MAMLD1: variants seen among roughly 807,000 people sequenced by gnomAD.
MAMLD1 encodes the protein mastermind-like domain-containing protein 1.
A neutral mutation model predicts 45.0 loss-of-function variants in MAMLD1; 14 were observed. The observed-to-expected ratio is 0.31, with a 90% CI of 0.21 to 0.49. The LOEUF (loss-of-function observed/expected upper bound fraction) is 0.49, where lower values mean the gene tolerates loss of function less well. Among genes scored for constraint, MAMLD1 ranks in the 20% least tolerant of loss-of-function variants. The pLI, the probability that MAMLD1 is intolerant of heterozygous loss-of-function variation, is 0.99. For missense variants in MAMLD1, 543 were observed against 603.6 expected, an observed-to-expected ratio of 0.90 and a Z score of 1.05; for synonymous variants, 254 against 247.8, an observed-to-expected ratio of 1.02 and a Z score of -0.24.
At chrX:150,481,040 A>G (rs1409503121) in intron 5 of MAMLD1, among the ~76,000 whole-genome samples, 1 of 112,854 alleles carries the variant, frequency 8.9e-6, no homozygotes, top group East Asian at 2.8e-4. Context: ...GGGGTGGCCC[A>G]TGAAGAGAAT....
intron 1 of MAMLD1, among the ~76,000 whole-genome samples, chrX:150,368,547 C>T (rs1348731797): frequency 9.0e-6 from 1 of 111,137 alleles, no homozygotes; most frequent in Non-Finnish European, 1.9e-5. Flanking sequence ...TTTTGCTGTG[C>T]AGAAGCTCTT....
chrX:150,467,605 A>G (rs1289482349), intron 3 of MAMLD1, among the ~76,000 whole-genome samples: 2 of 112,821 alleles, frequency 1.8e-5, no homozygotes, highest in Non-Finnish European at 3.7e-5. Context: ...GCATCTCAAA[A>G]GAAAAGTCAA....
intron 5 of MAMLD1, among the ~76,000 whole-genome samples, chrX:150,492,388 C>A: frequency 8.9e-6 from 1 of 112,796 alleles, no homozygotes; most frequent in East Asian, 2.8e-4. Context: ...AGGCCAGCAA[C>A]GTATGGGACA....
At chrX:150,423,617 AGAG>A (rs2034605529) in intron 1 of MAMLD1, among the ~76,000 whole-genome samples, 1 of 60,758 alleles carries the variant, frequency 1.6e-5, no homozygotes, top group Non-Finnish European at 4.0e-5. Flanking sequence ...AGAGAGAAAG[AGAG>A]AGAGAGAGAG....
intron 5 of MAMLD1, among the ~76,000 whole-genome samples, chrX:150,503,032 G>A (rs894044112): frequency 2.7e-5 from 3 of 112,168 alleles, no homozygotes; most frequent in Non-Finnish European, 5.6e-5. Context: ...GCTGGAAAGG[G>A]GGAGACACCA....
rs1026187729 is a variant in MAMLD1, at chrX:150,513,922, A to G, written c.*1963A>G. The G allele has an allele frequency of 2.4e-5, 7 of 297,069 alleles. No homozygotes were observed. The highest frequency in any genetic ancestry group is 4.1e-5 in the Non-Finnish European group (7 of 170,071). The allele number at this position is 297,069 out of a possible 1,213,427, so 24.5% of individuals were successfully genotyped here. ...GTAAGGCTCTGTGGTTTGGGGGGGA[A>G]CATCTGTAAACATTATTAGTTGATT... On this transcript the variant is annotated 3_prime_UTR_variant, in exon 8 of 8. Coordinates refer to ENST00000370401, the MANE Select transcript of MAMLD1 (RefSeq NM_005491.5).
At chrX:150,420,759 G>T (rs1250792803) in intron 1 of MAMLD1, among the ~76,000 whole-genome samples, 4 of 98,028 alleles carry the variant, frequency 4.1e-5, no homozygotes, top group Non-Finnish European at 6.4e-5. Flanking sequence ...CGGGGGTCAG[G>T]GGTCAGGGAC....
intron 1 of MAMLD1, among the ~76,000 whole-genome samples, chrX:150,392,072 C>G (rs2033202289): frequency 8.9e-6 from 1 of 112,070 alleles, no homozygotes; most frequent in South Asian, 3.7e-4. Context: ...CAGCTTCCCA[C>G]CAGCCCATGC....
intron 1 of MAMLD1, among the ~76,000 whole-genome samples, chrX:150,381,184 C>A: frequency 8.9e-6 from 1 of 112,156 alleles, no homozygotes; most frequent in Non-Finnish European, 1.9e-5. Flanking sequence ...CAGTACCACA[C>A]TGTTTTAATT....
upstream of MAMLD1, among the ~76,000 whole-genome samples, chrX:150,362,510 C>T (rs1020514541): frequency 1.4e-4 from 15 of 108,880 alleles, no homozygotes; most frequent in African/African-American, 4.7e-4. Flanking sequence ...TCCGCCGGTG[C>T]CTCTCTCGGT....
intron 5 of MAMLD1, among the ~76,000 whole-genome samples, chrX:150,498,670 C>T (rs782151225): frequency 8.9e-6 from 1 of 112,853 alleles, no homozygotes; most frequent in East Asian, 2.8e-4. Context: ...AACAGCACAG[C>T]TCTAGAGCAT....
In MAMLD1 at chrX:150,470,077, C is replaced by T. The variant is rs782781651; in HGVS notation, c.504C>T (p.Ser168=). The part of the protein sequence containing the change: ...PTVPYYEKIN[S]VPAVDQELQE... ...TTCCTTACTATGAGAAAATCAACAG[C>T]GTGCCGGCTGTAGACCAGGAGCTTC... The change falls in exon 4 of 8, where the codon AGC becomes AGT. Residue 168 remains serine (S), a synonymous_variant. Coordinates refer to ENST00000370401, the MANE Select transcript of MAMLD1 (RefSeq NM_005491.5). 1.5e-5 allele frequency: 18 copies of T among 1,209,915 alleles called. No homozygotes were observed. The African/African-American group carries it at 1.8e-4, about 12-fold the overall frequency.
Position 150,503,289 on chromosome X carries a change from G to T in MAMLD1, c.2056G>T (p.Ala686Ser). Reference protein sequence around the residue: ...SPSNITHVDKACKLGEARHPQ... With the variant: ...SPSNITHVDKSCKLGEARHPQ... ...GTTGTTGTAGACTCATGTAGACAAAGCCTGCAAGCTTGGGGAAGCCAGGCA... is the reference window on the plus strand; with the variant it reads ...GTTGTTGTAGACTCATGTAGACAAATCCTGCAAGCTTGGGGAAGCCAGGCA... The change falls in exon 6 of 8, where the codon GCC becomes TCC. Residue 686 changes from alanine to serine, a missense_variant. By Grantham distance (99) the Ala-to-Ser change is moderately conservative. Transcript: ENST00000370401. The T allele has an allele frequency of 8.3e-7, 1 of 1,210,636 alleles. No homozygotes were observed. Among genetic ancestry groups the T allele is most frequent in the East Asian group, 3.0e-5 (1 of 33,761 alleles).
intron 1 of MAMLD1, among the ~76,000 whole-genome samples, chrX:150,442,942 G>A (rs782495858): frequency 1.8e-5 from 2 of 111,867 alleles, no homozygotes; most frequent in Non-Finnish European, 3.8e-5. Context: ...TGGGTTGACA[G>A]TTCTCTTTAT....
intron 1 of MAMLD1, among the ~76,000 whole-genome samples, chrX:150,375,070 ACT>A (rs1182636500): frequency 9.1e-6 from 1 of 109,651 alleles, no homozygotes; most frequent in Non-Finnish European, 1.9e-5. Flanking sequence ...GGATGGCTGG[ACT>A]CCATTCAAAT....
chrX:150,433,709 T>C (rs782684879), intron 1 of MAMLD1, among the ~76,000 whole-genome samples: 6 of 112,101 alleles, frequency 5.4e-5, no homozygotes, highest in African/African-American at 1.6e-4. Context: ...ATGAATCACA[T>C]TTATTGATTT....
intron 2 of MAMLD1, among the ~76,000 whole-genome samples, chrX:150,457,743 C>T (rs1557405404): frequency 1.8e-5 from 2 of 111,523 alleles, no homozygotes; most frequent in African/African-American, 6.5e-5. Context: ...ATTGTATGAT[C>T]CCATTTATAT....
intron 1 of MAMLD1, among the ~76,000 whole-genome samples, chrX:150,440,709 G>C (rs1226951540): frequency 9.2e-6 from 1 of 108,293 alleles, no homozygotes; most frequent in Non-Finnish European, 1.9e-5. Context: ...TTCAATCAGA[G>C]TATTGGTAAT....
At position 150,512,924 on chromosome X, in the gene MAMLD1, G is replaced by A. The variant is rs1363155305; in HGVS notation, c.*965G>A. ...CTGCAATGAGGTAGATTTCATTGAA[G>A]CTCTCTTGAAAGGCTCCTGTGTGAG... On this transcript the variant is annotated 3_prime_UTR_variant, in exon 8 of 8. Coordinates refer to ENST00000370401, the MANE Select transcript of MAMLD1 (RefSeq NM_005491.5). 5 of 1,154,499 alleles carry A rather than the reference G, an allele frequency of 4.3e-6. No individual in the cohort carries two copies. In the East Asian group the frequency reaches 1.3e-4, roughly 30 times the overall value.
Sources: allele counts gnomAD v4.1 joint callset (sites outside exome capture counted in the v4.1 genomes callset), GRCh38; gene constraint gnomAD v4.1.1; transcripts MANE v1.5; gene names NCBI Gene and HGNC (gene_info 2026-07-23, HGNC 2026-07-21).